The following PSMD11 variants were observed in gnomAD, a reference collection of about 807,000 sequenced individuals.
PSMD11 encodes proteasome 26S subunit, non-ATPase 11, also known as 26S proteasome non-ATPase regulatory subunit 11.
PSMD11 carries 5 observed loss-of-function variants against 62.3 expected under a neutral mutation model. That is an observed-to-expected ratio of 0.08 (90% CI 0.04 to 0.17). The LOEUF is 0.17. PSMD11 is among the 10% of genes least tolerant of loss of function. The probability of loss-of-function intolerance (pLI) is 1.00; values close to 1 mark genes in which losing one functional copy is unlikely to be tolerated. For synonymous variants in PSMD11, 191 were observed against 191.8 expected, an observed-to-expected ratio of 1.00 and a Z score of 0.03; for missense variants, 310 against 512.9, an observed-to-expected ratio of 0.60 and a Z score of 3.82.
At chr17:32,459,174 T>C (rs945663747) in intron 3 of PSMD11, among the ~76,000 whole-genome samples, 7 of 148,758 alleles carry the variant, frequency 4.7e-5, no homozygotes, top group Non-Finnish European at 8.9e-5. Context: ...TCTTAAGTTG[T>C]ATCCCTAGCC....
rs1908517304 is a variant in PSMD11 at position 32,482,271 on chromosome 17, G to A, written c.*1519G>A. The A allele has an allele frequency of 6.6e-6, 1 of 151,928 alleles. No individual in the cohort carries two copies. The highest frequency in any genetic ancestry group is 1.5e-5 in the Non-Finnish European group (1 of 67,992). The allele number at this position is 151,928 out of a possible 1,614,324, so 9.4% of individuals were successfully genotyped here. ...CCCCATCATGTCTAGTCACTGTTTT[G>A]GTTTTGGCACCATCAGTATCAAATG... On this transcript the variant is annotated 3_prime_UTR_variant, in exon 14 of 14. Coordinates refer to ENST00000261712, the MANE Select transcript of PSMD11 (RefSeq NM_002815.4).
rs559174864 is a variant in PSMD11, at chr17:32,470,400, T to A, written c.643+1207T>A. ...CAATCTTGGCTCACTGCATCCACTG[T>A]CTCCTGGGTTCAAGCGATTCTCCTG... On this transcript the variant is annotated intron_variant, in intron 6 of 13. Coordinates refer to ENST00000261712, the MANE Select transcript of PSMD11 (RefSeq NM_002815.4). 1.3e-4 allele frequency among the ~76,000 whole-genome samples: 20 copies of A among 151,904 alleles called. No individual in the cohort carries two copies. The South Asian group carries it at 4.2e-3, about 32-fold the overall frequency.
chr17:32,479,151 A>C, intron 9 of PSMD11, 100 bp from the exon 10 acceptor site: 1 of 1,441,410 alleles, frequency 6.9e-7, no homozygotes, highest in Non-Finnish European at 9.4e-7. Flanking sequence ...TCATTCAACC[A>C]TGTAGTTTTA....
rs1907937753 is a variant in PSMD11 at position 32,464,532 on chromosome 17, G to A, written c.402G>A (p.Val134=). The change falls in exon 5 of 14, where the codon GTG becomes GTA. Residue 134 remains valine, a synonymous_variant. Coordinates refer to ENST00000261712, the MANE Select transcript of PSMD11 (RefSeq NM_002815.4). The stretch of plus-strand genomic sequence containing the variant: ...TTTCTCTTTCCTAGGCAAGACTGGT[G>A]TCTTTGTACTTTGATACCAAGAGGT... ...FLRQALEARL[V]SLYFDTKRYQ... is the part of the protein sequence containing the mutation. 1 of 1,607,382 alleles carries A rather than the reference G, an allele frequency of 6.2e-7. No individual in the cohort carries two copies. The highest frequency in any genetic ancestry group is 8.5e-7 in the Non-Finnish European group (1 of 1,175,928).
chr17:32,479,139 C>A, intron 9 of PSMD11, 112 bp from the exon 10 acceptor site: 1 of 1,386,348 alleles, frequency 7.2e-7, no homozygotes, highest in Non-Finnish European at 9.8e-7. Flanking sequence ...TCTCCCCTAA[C>A]TTCATTCAAC....
Position 32,464,087 on chromosome 17 carries a change from A to G in PSMD11, c.357A>G (p.Ser119=). ...TAGAGTGCATCGAATGGGCCAAGTC[A>G]GAGAAAAGAACTTTCTTACGCCAAG... ...LCLECIEWAK[S]EKRTFLRQAL... The change falls in exon 4 of 14, where the codon TCA becomes TCG. Residue 119 remains serine (S), a synonymous_variant. Transcript: ENST00000261712. 1 of 1,614,146 alleles carries G rather than the reference A, an allele frequency of 6.2e-7. No individual in the cohort carries two copies. Among genetic ancestry groups the G allele is most frequent in the Non-Finnish European group, 8.5e-7 (1 of 1,179,998 alleles).
At chr17:32,468,928 G>C in intron 5 of PSMD11, 71 bp from the exon 6 acceptor site, 2 of 1,404,998 alleles carry the variant, frequency 1.4e-6, no homozygotes, top group Non-Finnish European at 1.9e-6. Flanking sequence ...AGTGTTATGA[G>C]GGTGGGAGAG....
chr17:32,456,198 A>G (rs1907645470), intron 3 of PSMD11, among the ~76,000 whole-genome samples: 1 of 151,840 alleles, frequency 6.6e-6, no homozygotes, highest in Non-Finnish European at 1.5e-5. Context: ...TGTTTGAAAT[A>G]GAGTACCTTA....
At chr17:32,449,442 C>T (rs1907426993) in intron 2 of PSMD11, among the ~76,000 whole-genome samples, 2 of 152,140 alleles carry the variant, frequency 1.3e-5, no homozygotes, top group African/African-American at 4.8e-5. Context: ...ATCCAAATTT[C>T]TACTTTCCTC....
chr17:32,444,746 G>A, intron 1 of PSMD11, 132 bp downstream of exon 1: 1 of 1,140,990 alleles, frequency 8.8e-7, no homozygotes, highest in Non-Finnish European at 1.2e-6. Flanking sequence ...GCCGGGCCGG[G>A]GGCGCAGGCC....
chr17:32,477,594 T>C lies in PSMD11; in HGVS notation c.912+11T>C. 6.2e-7 allele frequency: 1 copy of C among 1,602,170 alleles called. No individual in the cohort carries two copies. Among genetic ancestry groups the C allele is most frequent in the African/African-American group, 1.3e-5 (1 of 74,782 alleles). Reference sequence around the variant, plus strand: ...GCAGATTTTGAAAAGGTGAGTATGATATTGGGTTGGTATGGAATGTGAGTG... The same window carrying C: ...GCAGATTTTGAAAAGGTGAGTATGACATTGGGTTGGTATGGAATGTGAGTG... On this transcript the variant is annotated intron_variant, in intron 9 of 13. Coordinates refer to ENST00000261712, the MANE Select transcript of PSMD11 (RefSeq NM_002815.4).
In PSMD11 at chr17:32,478,838, C is replaced by G. The variant is rs149763352; in HGVS notation, c.913-413C>G. On this transcript the variant is annotated intron_variant, in intron 9 of 13. Transcript: ENST00000261712. ...TGGGGCTTACATGGTTTGAGCTGTT[C>G]ACCTGAAGCCTGCAGACAGAAAGAT... 5.9e-3 allele frequency among the ~76,000 whole-genome samples: 894 copies of G among 152,232 alleles called. 9 individuals are homozygous for G. The highest frequency in any genetic ancestry group is 0.019 in the African/African-American group (800 of 41,548).
chr17:32,460,699 G>C (rs1229836590), intron 3 of PSMD11, among the ~76,000 whole-genome samples: 1 of 151,820 alleles, frequency 6.6e-6, no homozygotes, highest in Non-Finnish European at 1.5e-5. Context: ...CGTGAACCCG[G>C]GAGGCGGAGC....
chr17:32,463,810 G>C (rs1315107471), intron 3 of PSMD11, among the ~76,000 whole-genome samples: 4 of 152,176 alleles, frequency 2.6e-5, no homozygotes, highest in Non-Finnish European at 4.4e-5. Context: ...TAGGAGTCTT[G>C]AAGATAGAGC....
Position 32,455,896 on chromosome 17 carries a change from C to G in PSMD11, c.318+1277C>G, listed in dbSNP as rs189214552. Among the ~76,000 whole-genome samples, 1,427 of 152,104 alleles carry G rather than the reference C, an allele frequency of 9.4e-3. 21 individuals are homozygous for G. Among genetic ancestry groups the G allele is most frequent in the African/African-American group, 0.033 (1,360 of 41,472 alleles). ...CGGTGGCTCACGCCTGTAATCCCAG[C>G]ACTTTGGGAGGCCAAGGCAGGTGGA... On this transcript the variant is annotated intron_variant, in intron 3 of 13. Transcript: ENST00000261712.
At chr17:32,473,425 C>T (rs554860093) in intron 6 of PSMD11, among the ~76,000 whole-genome samples, 9 of 151,908 alleles carry the variant, frequency 5.9e-5, no homozygotes, top group Admixed American at 1.3e-4. Flanking sequence ...TACAGGCATG[C>T]GCTACCACAC....
At chr17:32,473,719 G>T in intron 6 of PSMD11, 82 bp from the exon 7 acceptor site, 1 of 1,456,536 alleles carries the variant, frequency 6.9e-7, no homozygotes. Flanking sequence ...CATTTAGGTA[G>T]ATGTCTAAGC....
At chr17:32,465,714 C>T (rs948470331) in intron 5 of PSMD11, among the ~76,000 whole-genome samples, 1 of 152,126 alleles carries the variant, frequency 6.6e-6, no homozygotes, top group African/African-American at 2.4e-5. Flanking sequence ...TGGCTCATGC[C>T]TGTAATCCCA....
chr17:32,475,363 T>C (rs1908286765), intron 8 of PSMD11, among the ~76,000 whole-genome samples: 1 of 151,070 alleles, frequency 6.6e-6, no homozygotes, highest in African/African-American at 2.4e-5. Context: ...AATGCCCAAG[T>C]AGGTATGAGT....
Sources: gnomAD v4.1 joint callset for allele counts (sites outside exome capture counted in the v4.1 genomes callset) on GRCh38, gnomAD v4.1.1 for gene constraint, MANE v1.5 for transcripts, NCBI Gene and HGNC (gene_info 2026-07-23, HGNC 2026-07-21) for gene names.